PTPRG: variants seen among roughly 807,000 people sequenced by gnomAD.
PTPRG encodes the protein protein tyrosine phosphatase receptor type G.
Under a neutral mutation model 165.3 loss-of-function variants are expected in PTPRG, and 102 were observed. That is an observed-to-expected ratio of 0.62 (90% CI 0.53 to 0.73). The LOEUF (loss-of-function observed/expected upper bound fraction) is 0.73, where lower values mean the gene tolerates loss of function less well. Ranked by LOEUF, PTPRG falls within the 30% of genes least tolerant of loss-of-function variation. PTPRG has a pLI of 0.00. For synonymous variants in PTPRG, 675 were observed against 669.5 expected (o/e 1.01, Z -0.13); for missense variants, 1,866 against 1,861.4 (o/e 1.00, Z -0.05).
At position 62,296,379 on chromosome 3, in the gene PTPRG, GAC is replaced by G. The variant is rs1331523554; in HGVS notation, c.*3076_*3077del. 1.3e-5 allele frequency: 2 copies of G among 151,732 alleles called. No homozygotes were observed. The highest frequency in any genetic ancestry group is 2.9e-5 in the Non-Finnish European group (2 of 67,932). The allele number at this position is 151,732 out of a possible 1,614,324, so 9.4% of individuals were successfully genotyped here. A position where few individuals can be genotyped will look rare whatever the true frequency, so the allele number is the denominator to read the frequency against. ...AATCAGTAAATAATTATTTTATAAT[GAC>G]ACAGCACAACTGCCTTGTTATGAAT... On this transcript the variant is annotated 3_prime_UTR_variant, in exon 30 of 30. Coordinates refer to ENST00000474889, the MANE Select transcript of PTPRG (RefSeq NM_002841.4).
intron 1 of PTPRG, among the ~76,000 whole-genome samples, chr3:61,578,211 CA>C (rs1270137394): frequency 6.6e-6 from 1 of 152,204 alleles, no homozygotes; most frequent in African/African-American, 2.4e-5. Context: ...CCAGGAACAA[CA>C]TCTCGCTTGA....
At chr3:61,824,381 A>G (rs2036045768) in intron 2 of PTPRG, among the ~76,000 whole-genome samples, 1 of 152,222 alleles carries the variant, frequency 6.6e-6, no homozygotes, top group African/African-American at 2.4e-5. Flanking sequence ...CAAACCCCAC[A>G]CAGTCTTCTA....
chr3:61,867,915 C>T (rs1452328522), intron 2 of PTPRG, among the ~76,000 whole-genome samples: 3 of 152,142 alleles, frequency 2.0e-5, no homozygotes, highest in Admixed American at 2.0e-4. Context: ...GGTCTTTCTT[C>T]CACAGGGAGT....
chr3:61,902,257 G>C (rs1022366914), intron 2 of PTPRG, among the ~76,000 whole-genome samples: 1 of 152,172 alleles, frequency 6.6e-6, no homozygotes, highest in South Asian at 2.1e-4. Context: ...TAGTCTTTCT[G>C]CCTGCTTGTT....
At chr3:61,902,493 A>T (rs2038524357) in intron 2 of PTPRG, among the ~76,000 whole-genome samples, 3 of 152,162 alleles carry the variant, frequency 2.0e-5, no homozygotes, top group Admixed American at 1.3e-4. Flanking sequence ...GCTATCTTTT[A>T]TGTACCCCTA....
intron 7 of PTPRG, 90 bp downstream of exon 7, chr3:62,157,314 A>C (rs965642633): frequency 7.4e-7 from 1 of 1,359,886 alleles, no homozygotes; most frequent in Admixed American, 2.0e-5. Flanking sequence ...CCACTAAGGA[A>C]TTTGTTCTTG....
chr3:61,865,761 C>G (rs945420550), intron 2 of PTPRG, among the ~76,000 whole-genome samples: 29 of 152,248 alleles, frequency 1.9e-4, no homozygotes, highest in Non-Finnish European at 8.8e-5. Flanking sequence ...GCCCACTGCT[C>G]TAGAAAATGT....
intron 4 of PTPRG, among the ~76,000 whole-genome samples, chr3:62,011,693 G>T (rs6794405): frequency 0.54 from 82,831 of 152,088 alleles, 23,093 homozygotes; most frequent in African/African-American, 0.65. Flanking sequence ...AGAGGAACAT[G>T]TGAGGATGCC....
At chr3:61,777,039 A>G (rs558628237) in intron 2 of PTPRG, among the ~76,000 whole-genome samples, 1 of 152,254 alleles carries the variant, frequency 6.6e-6, no homozygotes, top group Admixed American at 6.5e-5. Flanking sequence ...CTGGGCCTAG[A>G]TCAGTACTGC....
chr3:61,642,730 C>G (rs772883607), intron 1 of PTPRG, among the ~76,000 whole-genome samples: 7 of 152,130 alleles, frequency 4.6e-5, no homozygotes, highest in Non-Finnish European at 1.0e-4. Flanking sequence ...AGCTTAGTGT[C>G]TGTATTTTTA....
At chr3:62,015,828 G>T (rs1010410) in intron 4 of PTPRG, among the ~76,000 whole-genome samples, 28 of 152,170 alleles carry the variant, frequency 1.8e-4, no homozygotes, top group East Asian at 1.6e-3. Context: ...AGATGCTCGT[G>T]GAGGGGATAT....
At chr3:61,682,813 G>A (rs1367469225) in intron 1 of PTPRG, among the ~76,000 whole-genome samples, 1 of 152,146 alleles carries the variant, frequency 6.6e-6, no homozygotes, top group African/African-American at 2.4e-5. Context: ...ACTCAAATGA[G>A]GAATAAACAG....
At chr3:61,948,594 G>A (rs183463535) in intron 2 of PTPRG, among the ~76,000 whole-genome samples, 1 of 152,266 alleles carries the variant, frequency 6.6e-6, no homozygotes, top group Admixed American at 6.5e-5. Flanking sequence ...AGGCAGAGGG[G>A]TTGACGGATT....
intron 28 of PTPRG, among the ~76,000 whole-genome samples, chr3:62,288,556 C>T (rs1702758247): frequency 6.6e-6 from 1 of 151,912 alleles, no homozygotes; most frequent in Admixed American, 6.6e-5. Context: ...GCCAGTAATC[C>T]CAGCTACTCG....
At chr3:61,914,418 C>G (rs966363739) in intron 2 of PTPRG, among the ~76,000 whole-genome samples, 1 of 152,154 alleles carries the variant, frequency 6.6e-6, no homozygotes, top group African/African-American at 2.4e-5. Context: ...AAATGTGACT[C>G]CCGGCAATAT....
At chr3:62,212,323 T>C (rs1559657642) in intron 12 of PTPRG, among the ~76,000 whole-genome samples, 2 of 152,166 alleles carry the variant, frequency 1.3e-5, no homozygotes, top group African/African-American at 4.8e-5. Context: ...CCAAATGTGC[T>C]GAGGAGAATG....
intron 3 of PTPRG, among the ~76,000 whole-genome samples, chr3:61,993,383 A>G (rs1274548099): frequency 6.6e-6 from 1 of 151,776 alleles, no homozygotes; most frequent in African/African-American, 2.4e-5. Context: ...ACACCCGGCT[A>G]ATTTTTTATA....
At chr3:61,921,648 G>A (rs1406797) in intron 2 of PTPRG, among the ~76,000 whole-genome samples, 2 of 151,988 alleles carry the variant, frequency 1.3e-5, no homozygotes, top group Admixed American at 6.5e-5. Flanking sequence ...ATATGTGAAA[G>A]TTAAATGAAT....
intron 2 of PTPRG, among the ~76,000 whole-genome samples, chr3:61,788,181 C>T (rs923520836): frequency 3.9e-5 from 6 of 152,058 alleles, no homozygotes; most frequent in African/African-American, 9.7e-5. Flanking sequence ...TGCTGCATGG[C>T]GTCTTCTAAG....
Sources: allele counts gnomAD v4.1 joint callset (sites outside exome capture counted in the v4.1 genomes callset), GRCh38; gene constraint gnomAD v4.1.1; transcripts MANE v1.5; gene names NCBI Gene and HGNC (gene_info 2026-07-23, HGNC 2026-07-21).